The following SNX29 variants were observed in gnomAD, a reference collection of about 807,000 sequenced individuals.
SNX29 encodes the protein sorting nexin-29.
Under a neutral mutation model 102.1 loss-of-function variants are expected in SNX29, and 78 were observed. The observed-to-expected ratio is 0.76, with a 90% CI of 0.64 to 0.92. The LOEUF is 0.92. SNX29 is among the 40% of genes least tolerant of loss of function. SNX29 has a pLI of 0.00. For synonymous variants in SNX29, 580 were observed against 414.5 expected, an observed-to-expected ratio of 1.40 and a Z score of -4.85; for missense variants, 1,280 against 1,061.7, an observed-to-expected ratio of 1.21 and a Z score of -2.86.
chr16:12,477,620 C>T (rs1344208568), intron 18 of SNX29, 99 bp from the exon 19 acceptor site: 1 of 1,406,968 alleles, frequency 7.1e-7, no homozygotes, highest in Non-Finnish European at 9.8e-7. Flanking sequence ...ACAGATGTGA[C>T]TCTTGCTGCA....
At chr16:12,222,796 C>T (rs998150404) in intron 14 of SNX29, among the ~76,000 whole-genome samples, 6 of 152,114 alleles carry the variant, frequency 3.9e-5, no homozygotes, top group African/African-American at 1.2e-4. Flanking sequence ...CTCAAACTCC[C>T]GACCTCAGGT....
intron 18 of SNX29, among the ~76,000 whole-genome samples, chr16:12,445,797 A>G (rs2086020556): frequency 1.3e-5 from 2 of 152,156 alleles, no homozygotes; most frequent in African/African-American, 4.8e-5. Flanking sequence ...AGTGCTTTAC[A>G]GATATTAACC....
chr16:12,315,938 T>A (rs1366008643), intron 15 of SNX29, among the ~76,000 whole-genome samples: 1 of 152,234 alleles, frequency 6.6e-6, no homozygotes, highest in Non-Finnish European at 1.5e-5. Context: ...ATCAGGCCTC[T>A]GCTCCCATGG....
chr16:12,247,395 C>A (rs918981351), intron 14 of SNX29, among the ~76,000 whole-genome samples: 1 of 152,174 alleles, frequency 6.6e-6, no homozygotes, highest in African/African-American at 2.4e-5. Context: ...TTTCTTATGG[C>A]CCGCACAGTC....
At chr16:12,563,208 T>TCG (rs35920815) in intron 20 of SNX29, among the ~76,000 whole-genome samples, 1 of 4,218 alleles carries the variant, frequency 2.4e-4, no homozygotes, top group East Asian at 3.2e-3. Flanking sequence ...ATGCTGGGAT[T>TCG]GAGGCTCATA....
chr16:12,540,017 ACC>A (rs2077256511), intron 20 of SNX29, among the ~76,000 whole-genome samples: 2 of 152,132 alleles, frequency 1.3e-5, no homozygotes, highest in African/African-American at 4.8e-5. Context: ...TTTGCATGAC[ACC>A]TTTTTAATTT....
At chr16:12,356,713 C>G (rs1228423778) in intron 16 of SNX29, among the ~76,000 whole-genome samples, 3 of 152,218 alleles carry the variant, frequency 2.0e-5, no homozygotes, top group Non-Finnish European at 4.4e-5. Flanking sequence ...GAGTAATCCA[C>G]GTACATCAGG....
chr16:12,188,424 T>A (rs2076565167), intron 13 of SNX29, among the ~76,000 whole-genome samples: 1 of 152,230 alleles, frequency 6.6e-6, no homozygotes, highest in Non-Finnish European at 1.5e-5. Context: ...TGAAATGAGC[T>A]GCCTTCTTGG....
intron 13 of SNX29, among the ~76,000 whole-genome samples, chr16:12,180,970 C>G (rs920950458): frequency 6.6e-6 from 1 of 152,166 alleles, no homozygotes; most frequent in Non-Finnish European, 1.5e-5. Flanking sequence ...TCTAATGTCT[C>G]GCTCCTGCTA....
intron 3 of SNX29, among the ~76,000 whole-genome samples, chr16:12,006,806 A>T (rs2056469236): frequency 6.6e-6 from 1 of 152,028 alleles, no homozygotes; most frequent in Non-Finnish European, 1.5e-5. Flanking sequence ...TTTTGTAGAG[A>T]TGGGGTCTCA....
intron 11 of SNX29, among the ~76,000 whole-genome samples, chr16:12,084,062 G>T (rs536845248): frequency 6.5e-4 from 99 of 152,250 alleles, no homozygotes; most frequent in Non-Finnish European, 1.1e-3. Context: ...AGAGAAGATG[G>T]TGTATCCAGA....
intron 15 of SNX29, among the ~76,000 whole-genome samples, chr16:12,322,880 G>C (rs1567437266): frequency 3.5e-5 from 1 of 28,802 alleles, no homozygotes; most frequent in Non-Finnish European, 8.5e-5. Context: ...GGTCACTGGA[G>C]TCACTGGGGA....
At chr16:12,185,903 C>T (rs2076498605) in intron 13 of SNX29, among the ~76,000 whole-genome samples, 1 of 152,192 alleles carries the variant, frequency 6.6e-6, no homozygotes, top group Non-Finnish European at 1.5e-5. Context: ...GATTGTACCT[C>T]CTTGTTCCCA....
chr16:12,060,613 C>G (rs1278425175), intron 8 of SNX29, among the ~76,000 whole-genome samples: 1 of 152,164 alleles, frequency 6.6e-6, no homozygotes, highest in African/African-American at 2.4e-5. Context: ...TAAAACAAAA[C>G]AAGGGACTTT....
rs753238739 is a variant in SNX29, at chr16:12,170,119, C to T, written c.1596-29482C>T. On this transcript the variant is annotated intron_variant, in intron 13 of 20. Transcript: ENST00000566228. ...ATGCCAGGAGTGCTCCTCCCTTCCCCGTTATGAGAACTAAAGAAGTCTCCA... is the reference window on the plus strand; with the variant it reads ...ATGCCAGGAGTGCTCCTCCCTTCCCTGTTATGAGAACTAAAGAAGTCTCCA... 2.0e-4 allele frequency among the ~76,000 whole-genome samples: 31 copies of T among 152,204 alleles called. 1 individual carries two copies. The highest frequency in any genetic ancestry group is 5.2e-4 in the Admixed American group (8 of 15,292).
chr16:12,357,439 T>A (rs2082167589), intron 16 of SNX29, among the ~76,000 whole-genome samples: 1 of 152,266 alleles, frequency 6.6e-6, no homozygotes, highest in Non-Finnish European at 1.5e-5. Flanking sequence ...TACCTTTGAA[T>A]AGTTTTTTTG....
Position 12,551,148 on chromosome 16 carries a change from A to G in SNX29, c.2319-17358A>G, listed in dbSNP as rs146842201. Among the ~76,000 whole-genome samples the G allele has an allele frequency of 1.1e-3, 173 of 152,232 alleles. 3 individuals carry two copies. The highest frequency in any genetic ancestry group is 4.1e-3 in the African/African-American group (169 of 41,526). ...ACAGTGGTCCACAGCTGCCAGGAGA[A>G]TCTCAGAAAACCCTCAGTACCATCG... On this transcript the variant is annotated intron_variant, in intron 20 of 20. Coordinates refer to ENST00000566228, the MANE Select transcript of SNX29 (RefSeq NM_032167.5).
chr16:12,469,439 T>C (rs548125433), intron 18 of SNX29, among the ~76,000 whole-genome samples: 1 of 152,338 alleles, frequency 6.6e-6, no homozygotes, highest in South Asian at 2.1e-4. Flanking sequence ...TCCCTGGCTA[T>C]TGAGGAAGCA....
At chr16:12,556,188 T>C (rs1475984128) in intron 20 of SNX29, among the ~76,000 whole-genome samples, 1 of 152,220 alleles carries the variant, frequency 6.6e-6, no homozygotes, top group Non-Finnish European at 1.5e-5. Context: ...CAGATGTTGC[T>C]GAGTCTGAAA....
Sources: gnomAD v4.1 joint callset for allele counts (sites outside exome capture counted in the v4.1 genomes callset) on GRCh38, gnomAD v4.1.1 for gene constraint, MANE v1.5 for transcripts, NCBI Gene and HGNC (gene_info 2026-07-23, HGNC 2026-07-21) for gene names.